The following NKD2 variants were observed in gnomAD, a reference collection of about 807,000 sequenced individuals.
The protein encoded by NKD2 is NKD inhibitor of Wnt signaling pathway 2, also known as protein naked cuticle homolog 2.
A neutral mutation model predicts 34.8 loss-of-function variants in NKD2; 43 were observed. The ratio of observed to expected loss-of-function variants is 1.24; its 90% CI spans 0.97 to 1.60. The LOEUF (loss-of-function observed/expected upper bound fraction) is 1.60. Among genes scored for constraint, NKD2 ranks in the 40% most tolerant of loss-of-function variants. The pLI is 0.00. For synonymous variants in NKD2, 278 were observed against 265.1 expected, an observed-to-expected ratio of 1.05 and a Z score of -0.47; for missense variants, 675 against 627.1, an observed-to-expected ratio of 1.08 and a Z score of -0.82.
At chr5:1,022,142 G>A (rs993336928) in intron 3 of NKD2, among the ~76,000 whole-genome samples, 1 of 151,828 alleles carries the variant, frequency 6.6e-6, no homozygotes, top group East Asian at 1.9e-4. Flanking sequence ...AGCCAGTGGC[G>A]CTGTCCCTGT....
chr5:1,009,129 G>C lies in NKD2; in HGVS notation c.25+47G>C. On this transcript the variant is annotated intron_variant, in intron 1 of 9. Transcript: ENST00000296849. This position sits in a 1 kb window ranked among gnomAD's most constrained non-coding sequence, Gnocchi z 6.9. The stretch of plus-strand genomic sequence containing the variant: ...CGGGAGGGCGGGCGGGCGGGCGTGG[G>C]GCCGCCTCTCACTGTCGTTTTCCTC... 2.0e-6 allele frequency: 1 copy of C among 509,644 alleles called. No homozygotes were observed. 31.6% of individuals were successfully genotyped at this position (509,644 alleles called of 1,614,324 possible).
At chr5:1,019,208 C>G (rs910537206) in intron 3 of NKD2, among the ~76,000 whole-genome samples, 2 of 152,202 alleles carry the variant, frequency 1.3e-5, no homozygotes, top group African/African-American at 2.4e-5. Context: ...GGAGTGACCC[C>G]AAGACGTGCT....
At chr5:1,030,993 C>A (rs1004079311) in intron 3 of NKD2, among the ~76,000 whole-genome samples, 8 of 152,130 alleles carry the variant, frequency 5.3e-5, no homozygotes, top group Non-Finnish European at 8.8e-5. Context: ...GTCCCTCTCT[C>A]CCCACCCAAG....
intron 3 of NKD2, among the ~76,000 whole-genome samples, chr5:1,019,064 C>T (rs1756070681): frequency 6.6e-6 from 1 of 152,172 alleles, no homozygotes. Flanking sequence ...CGTCACCTTC[C>T]CGCTATCCCT....
chr5:1,037,274 C>T (rs1579279780), intron 9 of NKD2, among the ~76,000 whole-genome samples: 1 of 152,144 alleles, frequency 6.6e-6, no homozygotes, highest in Admixed American at 6.5e-5. Context: ...CTTCAGGAGT[C>T]CCCAGGGGCA....
intron 3 of NKD2, among the ~76,000 whole-genome samples, chr5:1,029,162 T>C (rs1756541834): frequency 6.6e-6 from 1 of 152,232 alleles, no homozygotes; most frequent in Non-Finnish European, 1.5e-5. Context: ...GCTCATTTTT[T>C]CCCGTTTGAT....
chr5:1,027,701 G>A (rs1176652244), intron 3 of NKD2, among the ~76,000 whole-genome samples: 2 of 152,236 alleles, frequency 1.3e-5, no homozygotes, highest in African/African-American at 4.8e-5. Context: ...ACACCCGTGT[G>A]TTTCCCACCG....
At chr5:1,033,334 C>A (rs1369540363) in intron 4 of NKD2, 38 bp from the exon 5 acceptor site, 1 of 1,552,960 alleles carries the variant, frequency 6.4e-7, no homozygotes, top group Non-Finnish European at 8.7e-7. Flanking sequence ...CCTCCATGTG[C>A]CCTCTGCCAG....
rs1213554521 is a variant in NKD2 at position 1,034,874 on chromosome 5, A to C, written c.545A>C (p.Lys182Thr). Residue 182 changes from lysine to threonine, a missense_variant, in exon 7 of 10, where the codon AAG becomes ACG. Coordinates refer to ENST00000296849, the MANE Select transcript of NKD2 (RefSeq NM_033120.4). ...ACCGTCAGCCCTGAGCCCTCCAGCA[A>C]GAGGAAGGAGGGTCCTCCTGCTGGC... The part of the protein sequence containing the change: ...KLTVSPEPSS[K>T]RKEGPPAGQD... The C allele has an allele frequency of 2.2e-5, 35 of 1,611,968 alleles. No individual in the cohort carries two copies. Among genetic ancestry groups the C allele is most frequent in the Non-Finnish European group, 2.8e-5 (33 of 1,179,582 alleles).
intron 7 of NKD2, 78 bp from the exon 8 acceptor site, chr5:1,035,311 T>TGAGG: frequency 8.9e-7 from 1 of 1,119,008 alleles, no homozygotes; most frequent in Non-Finnish European, 1.3e-6. Context: ...AGTGAGTGAG[T>TGAGG]TAATGAATGA....
intron 3 of NKD2, among the ~76,000 whole-genome samples, chr5:1,016,690 A>AG (rs1177331440): frequency 3.9e-5 from 6 of 152,216 alleles, no homozygotes; most frequent in Non-Finnish European, 7.3e-5. Flanking sequence ...AGGACCCTCC[A>AG]GGGCTCCCAC....
chr5:1,035,611 G>A, intron 8 of NKD2, 138 bp downstream of exon 8: 1 of 665,710 alleles, frequency 1.5e-6, no homozygotes, highest in East Asian at 2.8e-5. Flanking sequence ...TGGTCCAGCA[G>A]CTCTGTGGGG....
chr5:1,018,358 G>A (rs1159576848), intron 3 of NKD2, among the ~76,000 whole-genome samples: 1 of 152,238 alleles, frequency 6.6e-6, no homozygotes, highest in Non-Finnish European at 1.5e-5. Context: ...CATCTGTGGA[G>A]CAGGTGGGAC....
At chr5:1,032,817 C>CG (rs964499044) in intron 4 of NKD2, among the ~76,000 whole-genome samples, 2 of 152,210 alleles carry the variant, frequency 1.3e-5, no homozygotes, top group Non-Finnish European at 2.9e-5. Context: ...GTGCTGAGCC[C>CG]GGACAGTCCC....
chr5:1,010,098 T>G (rs920021321), intron 3 of NKD2, among the ~76,000 whole-genome samples: 8 of 152,042 alleles, frequency 5.3e-5, no homozygotes, highest in Non-Finnish European at 1.0e-4. Flanking sequence ...CAGAGGGACA[T>G]CTGCACAGCT....
chr5:1,036,517 A>ACCCCCCCCC, intron 9 of NKD2, 133 bp downstream of exon 9: 1 of 308,500 alleles, frequency 3.2e-6, no homozygotes, highest in South Asian at 8.9e-5. Context: ...CCCCCACCCC[A>ACCCCCCCCC]CCCCACCCAG....
rs1579282310 is a variant in NKD2, at chr5:1,038,631, C to T, written c.*258C>T. 4.2e-6 allele frequency: 3 copies of T among 721,218 alleles called. No individual in the cohort carries two copies. The East Asian group carries it at 8.2e-5, about 20-fold the overall frequency. 44.7% of individuals were successfully genotyped at this position (721,218 alleles called of 1,614,324 possible). Reference sequence around the variant, plus strand: ...AACACATCTGAAGCCACTATGTTTCCTGGCTCTAAGGCTCGTCTGTGTAAC... The same window carrying T: ...AACACATCTGAAGCCACTATGTTTCTTGGCTCTAAGGCTCGTCTGTGTAAC... On this transcript the variant is annotated 3_prime_UTR_variant, in exon 10 of 10. Transcript: ENST00000296849. This position sits in a 1 kb window ranked among gnomAD's most constrained non-coding sequence, Gnocchi z 4.5.
chr5:1,011,643 G>A (rs1469680849), intron 3 of NKD2, among the ~76,000 whole-genome samples: 1 of 152,224 alleles, frequency 6.6e-6, no homozygotes, highest in African/African-American at 2.4e-5. Context: ...AACGGTGGCA[G>A]AGAACCCTGT....
chr5:1,013,665 C>T (rs1476103792), intron 3 of NKD2, among the ~76,000 whole-genome samples: 1 of 152,192 alleles, frequency 6.6e-6, no homozygotes, highest in African/African-American at 2.4e-5. Context: ...GCAGGCATCC[C>T]CTGTCCTGCA....
Sources: allele counts gnomAD v4.1 joint callset (sites outside exome capture counted in the v4.1 genomes callset), GRCh38; gene constraint gnomAD v4.1.1; non-coding constraint Gnocchi (gnomAD v3.1); transcripts MANE v1.5; gene names NCBI Gene and HGNC (gene_info 2026-07-23, HGNC 2026-07-21).